ABLIM1: variants seen among roughly 807,000 people sequenced by gnomAD.
ABLIM1 encodes actin-binding LIM protein 1.
A neutral mutation model predicts 107.0 loss-of-function variants in ABLIM1; 40 were observed. The ratio of observed to expected loss-of-function variants is 0.37; its 90% CI spans 0.29 to 0.49. The LOEUF is 0.49. Ranked by LOEUF, ABLIM1 falls within the 20% of genes least tolerant of loss-of-function variation. The probability of loss-of-function intolerance (pLI) is 0.97; values close to 1 mark genes in which losing one functional copy is unlikely to be tolerated. For missense variants in ABLIM1, 857 were observed against 1,008.5 expected, an observed-to-expected ratio of 0.85 and a Z score of 2.04; for synonymous variants, 357 against 357.3, an observed-to-expected ratio of 1.00 and a Z score of 0.01.
chr10:114,608,785 C>T (rs1308925974), intron 1 of ABLIM1, among the ~76,000 whole-genome samples: 1 of 151,998 alleles, frequency 6.6e-6, no homozygotes, highest in Non-Finnish European at 1.5e-5. Context: ...GCGGCCAAGG[C>T]GGGTGGATCA....
intron 6 of ABLIM1, among the ~76,000 whole-genome samples, chr10:114,534,523 G>A (rs1190766508): frequency 6.6e-6 from 1 of 151,098 alleles, no homozygotes; most frequent in Non-Finnish European, 1.5e-5. Context: ...GGGTTCCTGG[G>A]ACACTCCAGG....
chr10:114,601,939 G>A lies in ABLIM1; in HGVS notation c.267C>T (p.His89=). The A allele has an allele frequency of 6.2e-7, 1 of 1,614,204 alleles. No homozygotes were observed. The highest frequency in any genetic ancestry group is 8.5e-7 in the Non-Finnish European group (1 of 1,180,034). The part of the protein sequence containing the change: ...DPFVAHPQDP[H]HPSEKPVIHC... Reference sequence around the variant, plus strand: ...GAATGACAGGCTTCTCTGATGGGTGGTGAGGGTCCTGAGGGTGGGCCACTG... The same window carrying A: ...GAATGACAGGCTTCTCTGATGGGTGATGAGGGTCCTGAGGGTGGGCCACTG... Residue 89 remains histidine (H), a synonymous_variant, in exon 2 of 23, where the codon CAC becomes CAT. Transcript: ENST00000533213.
intron 22 of ABLIM1, 31 bp from the exon 23 acceptor site, chr10:114,436,404 T>C (rs767338757): frequency 7.3e-6 from 11 of 1,506,438 alleles, no homozygotes; most frequent in African/African-American, 1.4e-5. Context: ...AAAGAGCTGC[T>C]GTCAGTCCTG....
At chr10:114,714,867 A>T (rs1446035657) in intron 1 of ABLIM1, among the ~76,000 whole-genome samples, 1 of 152,140 alleles carries the variant, frequency 6.6e-6, no homozygotes, top group Non-Finnish European at 1.5e-5. Context: ...AGGGATTGTT[A>T]TTTTTTTAAA....
At chr10:114,646,287 GA>G (rs985152975) in intron 1 of ABLIM1, among the ~76,000 whole-genome samples, 2 of 151,912 alleles carry the variant, frequency 1.3e-5, no homozygotes, top group Admixed American at 6.6e-5. Context: ...TTGCACACAG[GA>G]AAAAAAGCAA....
chr10:114,766,053 T>G (rs1409633564), intron 1 of ABLIM1, among the ~76,000 whole-genome samples: 1 of 152,196 alleles, frequency 6.6e-6, no homozygotes, highest in East Asian at 1.9e-4. Context: ...GTGGATGTGA[T>G]CAGAATCAGA....
chr10:114,535,829 C>G (rs999412989), intron 6 of ABLIM1, among the ~76,000 whole-genome samples: 1 of 152,070 alleles, frequency 6.6e-6, no homozygotes, highest in Non-Finnish European at 1.5e-5. Context: ...TTTAGCCAAA[C>G]GTGGATTGAA....
chr10:114,479,803 G>C (rs545242861), intron 8 of ABLIM1, among the ~76,000 whole-genome samples: 230 of 152,220 alleles, frequency 1.5e-3, no homozygotes, highest in Admixed American at 2.4e-3. Context: ...TAGATACTTA[G>C]AATTTTACAT....
the ABLIM1 span, among the ~76,000 whole-genome samples, chr10:114,774,925 C>T: frequency 6.6e-6 from 1 of 151,906 alleles, no homozygotes; most frequent in Non-Finnish European, 1.5e-5. Flanking sequence ...TTTCCTGAAA[C>T]AAAACAAAAA....
At chr10:114,639,599 G>A (rs2078642986) in intron 1 of ABLIM1, among the ~76,000 whole-genome samples, 1 of 152,206 alleles carries the variant, frequency 6.6e-6, no homozygotes, top group Admixed American at 6.5e-5. Context: ...CGTTCCACTT[G>A]TGAGGTTGTG....
At chr10:114,688,748 A>G (rs185687502), upstream of ABLIM1, among the ~76,000 whole-genome samples, 880 of 152,360 alleles carry the variant, frequency 5.8e-3, 7 homozygotes, top group Non-Finnish European at 7.6e-3. Context: ...GACTGTGCCC[A>G]GGATGCTAAA....
chr10:114,667,295 C>T lies in ABLIM1; in HGVS notation c.64+16995G>A, dbSNP rs143405474. 7.3e-3 allele frequency among the ~76,000 whole-genome samples: 1,117 copies of T among 152,276 alleles called. 13 individuals are homozygous for T. The highest frequency in any genetic ancestry group is 0.025 in the African/African-American group (1,032 of 41,550). ...GATTTTAATCTGCTGTGAACCACTG[C>T]AAAAGTGACCATGTAGTCCCAAAAA... On this transcript the variant is annotated intron_variant, in intron 1 of 23. Transcript: ENST00000369256.
chr10:114,594,931 G>A (rs2075270601), intron 2 of ABLIM1: 1 of 152,156 alleles, frequency 6.6e-6, no homozygotes, highest in Non-Finnish European at 1.5e-5. Flanking sequence ...TCTCTAGTAG[G>A]AGGTGAAGAT....
intron 1 of ABLIM1, among the ~76,000 whole-genome samples, chr10:114,626,771 G>C (rs1291513209): frequency 6.6e-6 from 1 of 152,196 alleles, no homozygotes; most frequent in African/African-American, 2.4e-5. Flanking sequence ...GGTCTTTACA[G>C]TGGTGACCAA....
intron 2 of ABLIM1, among the ~76,000 whole-genome samples, chr10:114,578,623 G>A (rs1043693580): frequency 1.3e-5 from 2 of 151,474 alleles, no homozygotes; most frequent in African/African-American, 2.4e-5. Context: ...TGAGGCTGGT[G>A]TTGAACTCGT....
At position 114,601,918 on chromosome 10, in the gene ABLIM1, G is replaced by GATT; in HGVS notation, c.287_288insAAT (p.Ile97dup). Reference sequence around the variant, plus strand: ...GCTCCCCACATTTATGGCAGTGAATGACAGGCTTCTCTGATGGGTGGTGAG... The same window carrying GATT: ...GCTCCCCACATTTATGGCAGTGAATGATTACAGGCTTCTCTGATGGGTGGTGAG... On this transcript the variant is annotated inframe_insertion, in exon 2 of 23. Coordinates refer to ENST00000533213, the MANE Select transcript of ABLIM1 (RefSeq NM_002313.7). 1 of 1,614,170 alleles carries GATT rather than the reference G, an allele frequency of 6.2e-7. No individual in the cohort carries two copies.
intron 1 of ABLIM1, among the ~76,000 whole-genome samples, chr10:114,678,920 G>A (rs554517968): frequency 1.1e-4 from 17 of 152,308 alleles, no homozygotes; most frequent in Middle Eastern, 3.4e-3. Context: ...CACTGGTACT[G>A]CATAGAAGCT....
the ABLIM1 span, among the ~76,000 whole-genome samples, chr10:114,788,337 A>ATAAATAAATAAAT: frequency 7.6e-6 from 1 of 131,604 alleles, no homozygotes; most frequent in African/African-American, 3.3e-5. Context: ...AAAAAAATAA[A>ATAAATAAATAAAT]AAAAAAAAAA....
At chr10:114,576,423 C>T (rs1179067201) in intron 2 of ABLIM1, among the ~76,000 whole-genome samples, 2 of 152,242 alleles carry the variant, frequency 1.3e-5, no homozygotes, top group East Asian at 3.8e-4. Flanking sequence ...CTGGAAATCT[C>T]TGACCCTAAC....
Sources: allele counts gnomAD v4.1 joint callset (sites outside exome capture counted in the v4.1 genomes callset), GRCh38; gene constraint gnomAD v4.1.1; transcripts MANE v1.5; gene names NCBI Gene and HGNC (gene_info 2026-07-23, HGNC 2026-07-21).